Variants in ZMIZ1 observed in about 807,000 individuals in gnomAD.
ZMIZ1 encodes zinc finger MIZ domain-containing protein 1.
In ZMIZ1, 17 loss-of-function variants were observed where a neutral mutation model predicts 113.9. The ratio of observed to expected loss-of-function variants is 0.15; its 90% CI spans 0.10 to 0.22. The LOEUF (loss-of-function observed/expected upper bound fraction) is 0.22, where lower values mean the gene tolerates loss of function less well. Ranked by LOEUF, ZMIZ1 falls within the 10% of genes least tolerant of loss-of-function variation. The pLI is 1.00. For synonymous variants in ZMIZ1, 607 were observed against 603.1 expected, an observed-to-expected ratio of 1.01 and a Z score of -0.09; for missense variants, 1,059 against 1,477.8, an observed-to-expected ratio of 0.72 and a Z score of 4.65.
intron 1 of ZMIZ1, among the ~76,000 whole-genome samples, chr10:79,094,263 C>G (rs563093695): frequency 1.3e-5 from 2 of 152,344 alleles, no homozygotes; most frequent in Admixed American, 6.5e-5. Flanking sequence ...CATTGCATGC[C>G]AGGTGCAGAG....
intron 3 of ZMIZ1, among the ~76,000 whole-genome samples, chr10:79,152,735 G>T (rs1300023450): frequency 6.6e-6 from 1 of 152,234 alleles, no homozygotes; most frequent in Non-Finnish European, 1.5e-5. Flanking sequence ...GTGAATTCAT[G>T]CCTCTGAGCC....
At chr10:79,103,046 C>T (rs1375610817) in intron 1 of ZMIZ1, among the ~76,000 whole-genome samples, 2 of 151,962 alleles carry the variant, frequency 1.3e-5, no homozygotes, top group African/African-American at 4.8e-5. Flanking sequence ...TAATGTCGAG[C>T]GATGTGTTAC....
chr10:79,217,110 T>A (rs1848763978), intron 7 of ZMIZ1, among the ~76,000 whole-genome samples: 1 of 152,056 alleles, frequency 6.6e-6, no homozygotes. Flanking sequence ...ACTTCAGGGG[T>A]CATTGTAAGT....
intron 1 of ZMIZ1, among the ~76,000 whole-genome samples, chr10:79,113,903 G>A (rs1843868977): frequency 6.6e-6 from 1 of 152,232 alleles, no homozygotes; most frequent in African/African-American, 2.4e-5. Context: ...CAGGCCTGAT[G>A]TGTAGTATCA....
At chr10:79,312,504 C>T in intron 24 of ZMIZ1, 138 bp from the exon 25 acceptor site, 1 of 850,534 alleles carries the variant, frequency 1.2e-6, no homozygotes, top group Non-Finnish European at 1.9e-6. Context: ...AAGCCCAAGG[C>T]TGTTCTCTAC....
At chr10:79,264,449 A>G (rs934482887) in intron 7 of ZMIZ1, among the ~76,000 whole-genome samples, 12 of 152,112 alleles carry the variant, frequency 7.9e-5, no homozygotes, top group African/African-American at 2.4e-4. Context: ...TCCCCTTCTC[A>G]GGGCACCTCT....
chr10:79,144,817 T>TCG (rs1230796530), intron 3 of ZMIZ1, among the ~76,000 whole-genome samples: 4 of 152,310 alleles, frequency 2.6e-5, no homozygotes, highest in African/African-American at 9.6e-5. Flanking sequence ...CCATTTGATT[T>TCG]GTCATCTCCT....
chr10:79,183,027 C>G (rs1054254457), intron 4 of ZMIZ1, among the ~76,000 whole-genome samples: 3 of 152,152 alleles, frequency 2.0e-5, no homozygotes, highest in Non-Finnish European at 4.4e-5. Flanking sequence ...GACTGGGTCA[C>G]TAAGGAGCCA....
chr10:79,123,528 T>A (rs1235980389), intron 2 of ZMIZ1, among the ~76,000 whole-genome samples: 1 of 152,174 alleles, frequency 6.6e-6, no homozygotes, highest in Non-Finnish European at 1.5e-5. Flanking sequence ...TCCAGGGCTG[T>A]GGCCACACAG....
intron 18 of ZMIZ1, 85 bp from the exon 19 acceptor site, chr10:79,303,930 C>A (rs1003044142): frequency 4.5e-6 from 7 of 1,556,204 alleles, no homozygotes; most frequent in Non-Finnish European, 5.2e-6. Context: ...CCCAGCTGCA[C>A]GAGGAAGTGG....
chr10:79,305,385 G>C (rs915464838), intron 20 of ZMIZ1, 148 bp from the exon 21 acceptor site: 3 of 1,199,614 alleles, frequency 2.5e-6, no homozygotes, highest in Non-Finnish European at 3.7e-6. Flanking sequence ...TGGTCCCTTG[G>C]TATCACGCGG....
chr10:79,289,707 A>C, intron 8 of ZMIZ1, 68 bp from the exon 9 acceptor site: 1 of 1,442,664 alleles, frequency 6.9e-7, no homozygotes, highest in Non-Finnish European at 9.7e-7. Context: ...TGGTGGGGTG[A>C]TGGGCATGGC....
rs140264724 is a variant in ZMIZ1 at position 79,291,932 on chromosome 10, G to A, written c.759-226G>A. ...GTCCTTCAGAAGATGGGCTCACCAGGGCCCCGACAGCATGCAGTGAGGGTG... is the reference window on the plus strand; with the variant it reads ...GTCCTTCAGAAGATGGGCTCACCAGAGCCCCGACAGCATGCAGTGAGGGTG... On this transcript the variant is annotated intron_variant, in intron 10 of 24. Coordinates refer to ENST00000334512, the MANE Select transcript of ZMIZ1 (RefSeq NM_020338.4). 2.6e-3 allele frequency among the ~76,000 whole-genome samples: 399 copies of A among 152,314 alleles called. 2 individuals are homozygous for A. The highest frequency in any genetic ancestry group is 9.3e-3 in the African/African-American group (386 of 41,562).
chr10:79,304,798 T>TG (rs1854567753), intron 19 of ZMIZ1, among the ~76,000 whole-genome samples: 1 of 152,160 alleles, frequency 6.6e-6, no homozygotes, highest in Non-Finnish European at 1.5e-5. Context: ...TGGATGAACT[T>TG]GATCAGACTT....
chr10:79,288,550 C>T (rs951654747), intron 8 of ZMIZ1, among the ~76,000 whole-genome samples: 7 of 151,380 alleles, frequency 4.6e-5, no homozygotes, highest in Admixed American at 3.3e-4. Context: ...ACACACACAC[C>T]CTGTGCCCTG....
chr10:79,248,561 G>C (rs560883524), intron 7 of ZMIZ1, among the ~76,000 whole-genome samples: 3 of 152,150 alleles, frequency 2.0e-5, no homozygotes, highest in African/African-American at 7.2e-5. Context: ...CGAGGTCGGC[G>C]TCCTGCTGTG....
intron 1 of ZMIZ1, among the ~76,000 whole-genome samples, chr10:79,099,462 G>GC (rs1257627648): frequency 1.3e-5 from 2 of 152,190 alleles, no homozygotes; most frequent in South Asian, 2.1e-4. Context: ...GGGTTGCAAG[G>GC]CCCCCCAGGG....
intron 1 of ZMIZ1, among the ~76,000 whole-genome samples, chr10:79,100,452 A>G (rs1843323264): frequency 6.6e-6 from 1 of 151,974 alleles, no homozygotes; most frequent in Non-Finnish European, 1.5e-5. Flanking sequence ...AAAAAAAAAA[A>G]AAAGAGGGCA....
chr10:79,298,718 GGCACACT>G, intron 15 of ZMIZ1, 138 bp downstream of exon 15: 2 of 845,906 alleles, frequency 2.4e-6, no homozygotes, highest in Non-Finnish European at 3.5e-6. Context: ...GATACCCAGG[GGCACACT>G]CAAGGCGGGG....
Sources: gnomAD v4.1 joint callset for allele counts (sites outside exome capture counted in the v4.1 genomes callset) on GRCh38, gnomAD v4.1.1 for gene constraint, MANE v1.5 for transcripts, NCBI Gene and HGNC (gene_info 2026-07-23, HGNC 2026-07-21) for gene names.